Variants in KCNT2 observed in about 807,000 individuals in gnomAD.
KCNT2 encodes the protein potassium sodium-activated channel subfamily T member 2, also known as potassium channel subfamily T member 2.
Under a neutral mutation model 153.8 loss-of-function variants are expected in KCNT2, and 67 were observed. The observed-to-expected ratio is 0.44, with a 90% CI of 0.36 to 0.53. The LOEUF (loss-of-function observed/expected upper bound fraction) is 0.53, where lower values mean the gene tolerates loss of function less well. Ranked by LOEUF, KCNT2 falls within the 20% of genes least tolerant of loss-of-function variation. The probability of loss-of-function intolerance (pLI) is 0.00; values close to 1 mark genes in which losing one functional copy is unlikely to be tolerated. For synonymous variants in KCNT2, 500 were observed against 458.8 expected (o/e 1.09, Z -1.15); for missense variants, 975 against 1,354.8 (o/e 0.72, Z 4.40).
At chr1:196,446,219 C>A (rs1445632619) in intron 8 of KCNT2, among the ~76,000 whole-genome samples, 2 of 151,236 alleles carry the variant, frequency 1.3e-5, no homozygotes, top group Non-Finnish European at 3.0e-5. Flanking sequence ...AAAAATTAAG[C>A]AAAAGATAGA....
chr1:196,300,172 G>T (rs369641161), intron 22 of KCNT2, among the ~76,000 whole-genome samples: 1 of 152,342 alleles, frequency 6.6e-6, no homozygotes, highest in East Asian at 1.9e-4. Flanking sequence ...ATGATGGCTT[G>T]AGAAGAAGCT....
intron 14 of KCNT2, among the ~76,000 whole-genome samples, chr1:196,354,521 A>G (rs895239036): frequency 3.3e-5 from 5 of 151,836 alleles, no homozygotes; most frequent in Non-Finnish European, 7.4e-5. Flanking sequence ...AAAAGTGTTT[A>G]CATATATATA....
intron 6 of KCNT2, 30 bp from the exon 7 acceptor site, chr1:196,467,816 T>C: frequency 7.1e-7 from 1 of 1,418,196 alleles, no homozygotes; most frequent in Non-Finnish European, 9.9e-7. Flanking sequence ...AAAACTAGAC[T>C]TTTATCTCAA....
intron 14 of KCNT2, among the ~76,000 whole-genome samples, chr1:196,345,828 C>A (rs976483104): frequency 3.9e-5 from 6 of 151,986 alleles, no homozygotes; most frequent in Non-Finnish European, 1.5e-5. Flanking sequence ...GATAGATAAA[C>A]AAACAAATAA....
chr1:196,339,838 T>C (rs1220544400), intron 16 of KCNT2, among the ~76,000 whole-genome samples: 1 of 152,038 alleles, frequency 6.6e-6, no homozygotes. Flanking sequence ...GAAGCCAAGT[T>C]CAGTGGTGAG....
At chr1:196,294,747 A>G (rs1016045507) in intron 22 of KCNT2, among the ~76,000 whole-genome samples, 8 of 152,072 alleles carry the variant, frequency 5.3e-5, no homozygotes, top group African/African-American at 1.9e-4. Context: ...AAGATATGGA[A>G]GCAACCTAGG....
chr1:196,439,460 G>T (rs1293904222), intron 8 of KCNT2, among the ~76,000 whole-genome samples: 1 of 151,878 alleles, frequency 6.6e-6, no homozygotes, highest in Non-Finnish European at 1.5e-5. Flanking sequence ...TTGAATACAT[G>T]ACTAGAACCA....
intron 14 of KCNT2, 101 bp from the exon 15 acceptor site, chr1:196,342,329 A>G: frequency 1.1e-6 from 1 of 917,150 alleles, no homozygotes; most frequent in Non-Finnish European, 1.6e-6. Flanking sequence ...CTGTGTAAGA[A>G]CTGGCAAGCA....
In KCNT2 at chr1:196,576,086, A is replaced by G. The variant is rs1328156538; in HGVS notation, c.95+32129T>C. On this transcript the variant is annotated intron_variant, in intron 1 of 27. Transcript: ENST00000294725. The stretch of plus-strand genomic sequence containing the variant: ...TGTGTTAGGTTTTATATATATATAT[A>G]TATATGTGTGTGTGTGTGTGTGTAT... Among the ~76,000 whole-genome samples, 335 of 150,542 alleles carry G rather than the reference A, an allele frequency of 2.2e-3. 1 individual carries two copies. Among genetic ancestry groups the G allele is most frequent in the African/African-American group, 7.9e-3 (324 of 40,976 alleles).
At chr1:196,483,837 T>A (rs1679205138) in intron 3 of KCNT2, among the ~76,000 whole-genome samples, 1 of 152,166 alleles carries the variant, frequency 6.6e-6, no homozygotes, top group Admixed American at 6.6e-5. Flanking sequence ...TACTCACCAT[T>A]ATAAACCCAA....
At chr1:196,329,694 A>G (rs1317102737) in intron 18 of KCNT2, among the ~76,000 whole-genome samples, 1 of 150,616 alleles carries the variant, frequency 6.6e-6, no homozygotes, top group East Asian at 1.9e-4. Context: ...TTTAGGATTT[A>G]TTAATGTTAC....
At chr1:196,359,368 T>A (rs551958411) in intron 14 of KCNT2, among the ~76,000 whole-genome samples, 120 of 152,142 alleles carry the variant, frequency 7.9e-4, no homozygotes, top group African/African-American at 2.8e-3. Context: ...TTTTCATCAA[T>A]AAAAGCTTAT....
chr1:196,332,792 T>G (rs900747545), intron 17 of KCNT2, among the ~76,000 whole-genome samples: 1 of 151,550 alleles, frequency 6.6e-6, no homozygotes, highest in African/African-American at 2.4e-5. Flanking sequence ...CTAGTTTTTT[T>G]TTTTTTTTTT....
chr1:196,340,871 C>G (rs1230459889), intron 15 of KCNT2, among the ~76,000 whole-genome samples: 3 of 151,376 alleles, frequency 2.0e-5, no homozygotes, highest in Admixed American at 6.6e-5. Context: ...TTACTTTGGT[C>G]AAAAAACATA....
At chr1:196,266,250 A>T (rs574744694) in intron 25 of KCNT2, among the ~76,000 whole-genome samples, 1 of 152,310 alleles carries the variant, frequency 6.6e-6, no homozygotes, top group Non-Finnish European at 1.5e-5. Flanking sequence ...AAGAAACTTA[A>T]TCAAAGTTGA....
chr1:196,541,868 A>G (rs916085321), intron 1 of KCNT2, among the ~76,000 whole-genome samples: 1 of 152,054 alleles, frequency 6.6e-6, no homozygotes, highest in Non-Finnish European at 1.5e-5. Flanking sequence ...AATATATTTA[A>G]ATATACCACC....
At chr1:196,397,495 T>A (rs1671043679) in intron 13 of KCNT2, among the ~76,000 whole-genome samples, 1 of 151,494 alleles carries the variant, frequency 6.6e-6, no homozygotes, top group Non-Finnish European at 1.5e-5. Flanking sequence ...CCCTAGCACC[T>A]ATCATACTGT....
chr1:196,427,125 T>C (rs2148534047), intron 10 of KCNT2, among the ~76,000 whole-genome samples: 1 of 152,080 alleles, frequency 6.6e-6, no homozygotes, highest in South Asian at 2.1e-4. Flanking sequence ...TAAGTAAGCT[T>C]GAAATTAATT....
chr1:196,419,316 T>C (rs1673001951), intron 12 of KCNT2, among the ~76,000 whole-genome samples: 1 of 107,144 alleles, frequency 9.3e-6, no homozygotes, highest in Non-Finnish European at 1.9e-5. Context: ...CCTAATGCTA[T>C]CCCTCCCCCC....
Sources: allele counts gnomAD v4.1 joint callset (sites outside exome capture counted in the v4.1 genomes callset), GRCh38; gene constraint gnomAD v4.1.1; transcripts MANE v1.5; gene names NCBI Gene and HGNC (gene_info 2026-07-23, HGNC 2026-07-21).